GPBP1: variants seen among roughly 807,000 people sequenced by gnomAD.
GPBP1 encodes the protein GC-rich promoter binding protein 1, also known as vasculin.
GPBP1 carries 13 observed loss-of-function variants against 56.5 expected under a neutral mutation model. The ratio of observed to expected loss-of-function variants is 0.23; its 90% CI spans 0.15 to 0.37. GPBP1 has a LOEUF of 0.37. GPBP1 is among the 10% of genes least tolerant of loss of function. The probability of loss-of-function intolerance (pLI) is 1.00; values close to 1 mark genes in which losing one functional copy is unlikely to be tolerated. For missense variants in GPBP1, 477 were observed against 572.3 expected, an observed-to-expected ratio of 0.83 and a Z score of 1.70; for synonymous variants, 204 against 188.9, an observed-to-expected ratio of 1.08 and a Z score of -0.66.
rs372947786 is a variant in GPBP1, at chr5:57,247,146, C to T, written c.735C>T (p.Gly245=). 130 of 1,613,220 alleles carry T rather than the reference C, an allele frequency of 8.1e-5. No individual in the cohort carries two copies. In the Admixed American group the frequency reaches 8.5e-4, roughly 11 times the overall value. ...CTTTCCCTCATGAGTCCACATTTGG[C>T]GTTGGCAACTTTAATGCTTTTAAAT... ...GTSFPHESTF[G]VGNFNAFKST... The change falls in exon 8 of 12, where the codon GGC becomes GGT. Residue 245 remains glycine (G), a synonymous_variant. Transcript: ENST00000506184.
chr5:57,184,505 C>A (rs1047625114), intron 2 of GPBP1, among the ~76,000 whole-genome samples: 6 of 152,104 alleles, frequency 3.9e-5, no homozygotes, highest in Non-Finnish European at 8.8e-5. Flanking sequence ...AGGTGCCACA[C>A]ACTCTTTAAA....
intron 2 of GPBP1, among the ~76,000 whole-genome samples, chr5:57,177,559 C>T (rs557082360): frequency 1.7e-4 from 26 of 151,610 alleles, no homozygotes; most frequent in South Asian, 1.0e-3. Context: ...CTGCAGCCTC[C>T]GCCTCCCGGG....
chr5:57,226,506 G>A (rs1197522438), intron 3 of GPBP1, among the ~76,000 whole-genome samples: 10 of 150,840 alleles, frequency 6.6e-5, no homozygotes, highest in African/African-American at 2.2e-4. Flanking sequence ...GGGCTGATGG[G>A]TAGATCATTG....
chr5:57,178,680 C>T lies in GPBP1; in HGVS notation c.-58+2280C>T, dbSNP rs371797195. Among the ~76,000 whole-genome samples, 29 of 152,312 alleles carry T rather than the reference C, an allele frequency of 1.9e-4. No homozygotes were observed. In the South Asian group the frequency reaches 5.6e-3, roughly 29 times the overall value. Reference sequence around the variant, plus strand: ...TAGTCTATAACATTTGTCAACTTTGCGTACAGCAGTTCTTCAAGGACAGAT... The same window carrying T: ...TAGTCTATAACATTTGTCAACTTTGTGTACAGCAGTTCTTCAAGGACAGAT... On this transcript the variant is annotated intron_variant, in intron 2 of 11. Transcript: ENST00000506184.
intron 3 of GPBP1, among the ~76,000 whole-genome samples, chr5:57,226,553 CTTTTTTTTT>C (rs34180383): frequency 1.6e-5 from 1 of 62,128 alleles, no homozygotes; most frequent in African/African-American, 6.6e-5. Flanking sequence ...AGCATTTTTG[CTTTTTTTTT>C]TTTTTTTTTT....
chr5:57,181,552 T>A (rs902866832), intron 2 of GPBP1, among the ~76,000 whole-genome samples: 2 of 149,130 alleles, frequency 1.3e-5, no homozygotes, highest in Admixed American at 1.3e-4. Context: ...GGCACGAGGC[T>A]CACTGGAGCC....
chr5:57,230,431 A>G (rs1756400140), intron 3 of GPBP1, among the ~76,000 whole-genome samples: 1 of 152,188 alleles, frequency 6.6e-6, no homozygotes, highest in African/African-American at 2.4e-5. Context: ...GAATATGGAA[A>G]TAAATTTAAG....
chr5:57,190,257 A>G lies in GPBP1; in HGVS notation c.-58+13857A>G, dbSNP rs1754462692. ...ACTAGGTGGAATTTGTTATTGGATT[A>G]TAGGAGGGTTGATTTGTTGTCATGT... On this transcript the variant is annotated intron_variant, in intron 2 of 11. Transcript: ENST00000506184. Among the ~76,000 whole-genome samples, 2 of 151,918 alleles carry G rather than the reference A, an allele frequency of 1.3e-5. 1 individual carries two copies. Among genetic ancestry groups the G allele is most frequent in the South Asian group, 4.2e-4 (2 of 4,810 alleles).
intron 2 of GPBP1, among the ~76,000 whole-genome samples, chr5:57,201,944 A>G (rs1007377631): frequency 6.6e-6 from 1 of 152,100 alleles, no homozygotes; most frequent in East Asian, 1.9e-4. Flanking sequence ...CTTAGGGGCA[A>G]ATTACTTTAA....
At chr5:57,174,336 G>A (rs1434534414) in intron 1 of GPBP1, 125 bp downstream of exon 1, 1 of 152,628 alleles carries the variant, frequency 6.6e-6, no homozygotes, top group African/African-American at 2.4e-5. Context: ...CCCGCCGACG[G>A]AGGGGCGGCG....
intron 2 of GPBP1, among the ~76,000 whole-genome samples, chr5:57,203,335 G>GA (rs1755097907): frequency 6.6e-6 from 1 of 152,106 alleles, no homozygotes; most frequent in African/African-American, 2.4e-5. Flanking sequence ...TGATAAAAAT[G>GA]TAAGTAAAGC....
At chr5:57,244,025 T>A (rs1187274039) in intron 6 of GPBP1, among the ~76,000 whole-genome samples, 1 of 152,164 alleles carries the variant, frequency 6.6e-6, no homozygotes, top group Non-Finnish European at 1.5e-5. Flanking sequence ...TTTATAAAAA[T>A]TTTTATTTCT....
intron 7 of GPBP1, 38 bp downstream of exon 7, chr5:57,246,522 G>C: frequency 6.6e-7 from 1 of 1,526,292 alleles, no homozygotes; most frequent in Non-Finnish European, 8.9e-7. Context: ...ATTTTGAGTT[G>C]ATAACCAATT....
intron 2 of GPBP1, among the ~76,000 whole-genome samples, chr5:57,202,226 C>T (rs1331509656): frequency 2.6e-5 from 4 of 152,166 alleles, no homozygotes; most frequent in South Asian, 2.1e-4. Context: ...CCCAAGCAGT[C>T]GGGCTGCCTT....
At chr5:57,238,795 C>T (rs189611178) in intron 6 of GPBP1, among the ~76,000 whole-genome samples, 274 of 152,274 alleles carry the variant, frequency 1.8e-3, no homozygotes, top group Admixed American at 3.0e-3. Flanking sequence ...GTTTGATGAG[C>T]TTTCTTGATT....
intron 6 of GPBP1, among the ~76,000 whole-genome samples, chr5:57,240,972 A>G (rs922231508): frequency 3.3e-5 from 5 of 150,590 alleles, no homozygotes; most frequent in African/African-American, 1.2e-4. Context: ...AAAAAAAAAA[A>G]GGCATTGTTA....
intron 8 of GPBP1, among the ~76,000 whole-genome samples, chr5:57,248,027 C>T (rs1741176756): frequency 6.6e-6 from 1 of 152,092 alleles, no homozygotes. Context: ...CAGGCATGAT[C>T]CACCACACCT....
intron 2 of GPBP1, among the ~76,000 whole-genome samples, chr5:57,211,902 AT>A (rs1755502107): frequency 1.3e-5 from 2 of 151,650 alleles, no homozygotes; most frequent in African/African-American, 4.8e-5. Context: ...TTTGTATGAT[AT>A]GCCTTTTTGA....
chr5:57,230,464 T>G (rs1179238276), intron 3 of GPBP1, among the ~76,000 whole-genome samples: 1 of 152,216 alleles, frequency 6.6e-6, no homozygotes, highest in Admixed American at 6.5e-5. Flanking sequence ...GAAGATTCAT[T>G]TGACAATTTT....
Sources: gnomAD v4.1 joint callset for allele counts (sites outside exome capture counted in the v4.1 genomes callset) on GRCh38, gnomAD v4.1.1 for gene constraint, MANE v1.5 for transcripts, NCBI Gene and HGNC (gene_info 2026-07-23, HGNC 2026-07-21) for gene names.